The following ACO2 variants were observed in gnomAD, a reference collection of about 807,000 sequenced individuals.
ACO2 encodes aconitase 2.
Under a neutral mutation model 84.5 loss-of-function variants are expected in ACO2, and 31 were observed. The observed-to-expected ratio is 0.37, with a 90% confidence interval of 0.28 to 0.50. ACO2 has a LOEUF of 0.50. Ranked by LOEUF, ACO2 falls within the 20% of genes least tolerant of loss-of-function variation. The pLI is 0.97. For missense variants in ACO2, 685 were observed against 1,029.3 expected (o/e 0.67, Z 4.58); for synonymous variants, 414 against 412.7 (o/e 1.00, Z -0.04).
At chr22:41,525,465 A>G in intron 14 of ACO2, 117 bp downstream of exon 14, 2 of 1,319,814 alleles carry the variant, frequency 1.5e-6, no homozygotes, top group Non-Finnish European at 2.1e-6. Context: ...CAGGTGGGAG[A>G]TGGAAGGGAG....
chr22:41,495,407 G>A (rs751098248), intron 1 of ACO2, among the ~76,000 whole-genome samples: 1 of 152,186 alleles, frequency 6.6e-6, no homozygotes, highest in East Asian at 1.9e-4. Context: ...ATCTTCCTGT[G>A]TCCGAAAGTG....
chr22:41,499,964 G>A lies in ACO2; in HGVS notation c.173+102G>A, dbSNP rs1601901605. 2.1e-6 allele frequency: 3 copies of A among 1,460,636 alleles called. No individual in the cohort carries two copies. The East Asian group carries it at 6.8e-5, about 33-fold the overall frequency. 90.5% of individuals were successfully genotyped at this position (1,460,636 alleles called of 1,614,324 possible). On this transcript the variant is annotated intron_variant, in intron 2 of 17. Coordinates refer to ENST00000216254, the MANE Select transcript of ACO2 (RefSeq NM_001098.3). ...GTTTTGTGAAGGATGCTTGGTGATAGTGGCAGGGTCAAGGTATTCAAGGTA... is the reference window on the plus strand; with the variant it reads ...GTTTTGTGAAGGATGCTTGGTGATAATGGCAGGGTCAAGGTATTCAAGGTA...
chr22:41,485,448 T>C, intron 1 of ACO2, among the ~76,000 whole-genome samples: 1 of 146,092 alleles, frequency 6.8e-6, no homozygotes, highest in East Asian at 2.0e-4. Context: ...TTTTTTTTTT[T>C]TTTTTTTTTT....
chr22:41,472,434 G>A (rs186201803), intron 1 of ACO2, among the ~76,000 whole-genome samples: 13 of 152,054 alleles, frequency 8.5e-5, no homozygotes, highest in African/African-American at 2.9e-4. Flanking sequence ...GTCTGATTCC[G>A]AAGCCTGAGG....
At chr22:41,519,879 T>TC (rs2066508503) in intron 8 of ACO2, among the ~76,000 whole-genome samples, 2 of 152,000 alleles carry the variant, frequency 1.3e-5, no homozygotes, top group South Asian at 2.1e-4. Flanking sequence ...ACAGCCTTGA[T>TC]CCATTCCATG....
intron 1 of ACO2, among the ~76,000 whole-genome samples, chr22:41,470,609 CT>C (rs1336296498): frequency 7.1e-6 from 1 of 140,170 alleles, no homozygotes; most frequent in Non-Finnish European, 1.5e-5. Flanking sequence ...ATGGCGCAAT[CT>C]TGGCTGACTG....
chr22:41,526,438 T>G lies in ACO2; in HGVS notation c.1938T>G (p.Thr646=), dbSNP rs2066598036. The G allele has an allele frequency of 6.2e-7, 1 of 1,612,894 alleles. No individual in the cohort carries two copies. Among genetic ancestry groups the G allele is most frequent in the Non-Finnish European group, 8.5e-7 (1 of 1,179,322 alleles). The change falls in exon 15 of 18, where the codon ACT becomes ACG. Residue 646 remains threonine (T), a synonymous_variant. Transcript: ENST00000216254. ...AGGAGTTTGGCCCCGTCCCTGACAC[T>G]GCCCGCTACTACAAGGTGGGTCAGA... is the stretch of plus-strand genomic sequence containing the variant. ...VTQEFGPVPD[T]ARYYKKHGIR... is the part of the protein sequence containing the mutation.
At chr22:41,487,818 C>T (rs749406113) in intron 1 of ACO2, among the ~76,000 whole-genome samples, 1 of 152,052 alleles carries the variant, frequency 6.6e-6, no homozygotes, top group Non-Finnish European at 1.5e-5. Flanking sequence ...CTGATCTCAC[C>T]GTGCATGCCT....
intron 2 of ACO2, among the ~76,000 whole-genome samples, chr22:41,506,517 T>C: frequency 6.6e-6 from 1 of 152,134 alleles, no homozygotes; most frequent in East Asian, 1.9e-4. Context: ...CCTCCCAAAG[T>C]GCTGAGATTA....
intron 3 of ACO2, among the ~76,000 whole-genome samples, chr22:41,511,222 G>C (rs2066430666): frequency 6.6e-6 from 1 of 152,084 alleles, no homozygotes; most frequent in South Asian, 2.1e-4. Flanking sequence ...TTGTAGGCTG[G>C]AGTGCAGTGG....
intron 4 of ACO2, among the ~76,000 whole-genome samples, chr22:41,513,916 C>T (rs895377087): frequency 2.0e-5 from 3 of 152,104 alleles, no homozygotes; most frequent in African/African-American, 4.8e-5. Context: ...ACCTCTCCCC[C>T]TGGATGTGGA....
At chr22:41,475,042 G>A (rs1460828001) in intron 1 of ACO2, among the ~76,000 whole-genome samples, 3 of 151,520 alleles carry the variant, frequency 2.0e-5, no homozygotes, top group Non-Finnish European at 4.4e-5. Flanking sequence ...CACTTGAGTC[G>A]AGTATGAGCA....
At chr22:41,491,497 C>T (rs2066270986) in intron 1 of ACO2, among the ~76,000 whole-genome samples, 1 of 152,126 alleles carries the variant, frequency 6.6e-6, no homozygotes, top group Non-Finnish European at 1.5e-5. Context: ...TGGAATACAT[C>T]AGAAGGGGGT....
At chr22:41,509,251 TC>T (rs968696951) in intron 3 of ACO2, among the ~76,000 whole-genome samples, 1 of 152,106 alleles carries the variant, frequency 6.6e-6, no homozygotes, top group African/African-American at 2.4e-5. Flanking sequence ...GAGTGAATCT[TC>T]TGGAGATGAG....
chr22:41,484,002 G>A (rs1467643567), intron 1 of ACO2, among the ~76,000 whole-genome samples: 4 of 152,146 alleles, frequency 2.6e-5, no homozygotes, highest in Non-Finnish European at 1.5e-5. Flanking sequence ...TCATAATATC[G>A]AGTGTCGTAG....
intron 9 of ACO2, among the ~76,000 whole-genome samples, chr22:41,520,725 C>T (rs1466992878): frequency 1.3e-5 from 2 of 151,808 alleles, no homozygotes; most frequent in East Asian, 1.9e-4. Flanking sequence ...ACCTGTAGCC[C>T]CAGCTACTTG....
At chr22:41,469,321 C>G in intron 1 of ACO2, 139 bp downstream of exon 1, 1 of 1,025,906 alleles carries the variant, frequency 9.7e-7, no homozygotes, top group Non-Finnish European at 1.4e-6. Flanking sequence ...GGGCCCGGCA[C>G]CCGTGCCCGC....
chr22:41,493,096 C>G (rs370962638), intron 1 of ACO2, among the ~76,000 whole-genome samples: 1 of 152,138 alleles, frequency 6.6e-6, no homozygotes, highest in Admixed American at 6.6e-5. Flanking sequence ...GGAAGGGGGC[C>G]GGATTTATCC....
intron 1 of ACO2, among the ~76,000 whole-genome samples, chr22:41,476,867 G>A (rs1473058126): frequency 6.6e-6 from 1 of 152,004 alleles, no homozygotes; most frequent in East Asian, 2.0e-4. Context: ...AGGGAGAATG[G>A]GCCAGGCATG....
Sources: allele counts gnomAD v4.1 joint callset (sites outside exome capture counted in the v4.1 genomes callset), GRCh38; gene constraint gnomAD v4.1.1; transcripts MANE v1.5; gene names NCBI Gene and HGNC (gene_info 2026-07-23, HGNC 2026-07-21).